TCEA3: variants seen among roughly 807,000 people sequenced by gnomAD.
TCEA3 encodes transcription elongation factor A protein 3.
In TCEA3, 36 loss-of-function variants were observed where a neutral mutation model predicts 44.0. That is an observed-to-expected ratio of 0.82 (90% confidence interval 0.63 to 1.08). The LOEUF is 1.08. Among genes scored for constraint, TCEA3 ranks in the 50% least tolerant of loss-of-function variants. The probability of loss-of-function intolerance (pLI) is 0.00; values close to 1 mark genes in which losing one functional copy is unlikely to be tolerated. For synonymous variants in TCEA3, 162 were observed against 159.7 expected (o/e 1.01, Z -0.11); for missense variants, 392 against 441.2 (o/e 0.89, Z 1.00).
chr1:23,381,425 CTCTT>C lies in TCEA3; in HGVS notation c.*37_*40del. ...TCCAGTTCAGATAATTCAGCGCTTCCTCTTTCTTCTTCCTCACCTTGTTCATGGC... is the reference window on the plus strand; with the variant it reads ...TCCAGTTCAGATAATTCAGCGCTTCCTCTTCTTCCTCACCTTGTTCATGGC... On this transcript the variant is annotated 3_prime_UTR_variant, in exon 11 of 11. Transcript: ENST00000450454. 1 of 779,792 alleles carries C rather than the reference CTCTT, an allele frequency of 1.3e-6. No homozygotes were observed. The highest frequency in any genetic ancestry group is 1.3e-5 in the South Asian group (1 of 74,306). The allele number at this position is 779,792 out of a possible 1,614,324, so 48.3% of individuals were successfully genotyped here. A position where few individuals can be genotyped will look rare whatever the true frequency, so the allele number is the denominator to read the frequency against.
At chr1:23,414,154 T>A (rs1024234056) in intron 4 of TCEA3, among the ~76,000 whole-genome samples, 7 of 152,134 alleles carry the variant, frequency 4.6e-5, no homozygotes, top group African/African-American at 1.4e-4. Flanking sequence ...TGGCACGCTC[T>A]CAGCTCACTG....
At chr1:23,398,187 A>G (rs1172799736) in intron 5 of TCEA3, among the ~76,000 whole-genome samples, 1 of 152,190 alleles carries the variant, frequency 6.6e-6, no homozygotes, top group Admixed American at 6.5e-5. Flanking sequence ...AGTGCATGGT[A>G]GAGAAAGATG....
intron 5 of TCEA3, 55 bp downstream of exon 5, chr1:23,408,609 A>T: frequency 6.4e-7 from 1 of 1,555,292 alleles, no homozygotes; most frequent in South Asian, 1.2e-5. Context: ...AAAACAGAGA[A>T]GGGGACACAG....
intron 5 of TCEA3, among the ~76,000 whole-genome samples, chr1:23,408,019 T>G (rs1399118732): frequency 1.3e-5 from 2 of 152,156 alleles, no homozygotes; most frequent in Admixed American, 6.5e-5. Context: ...TGGATTGCAG[T>G]GGCGCGATCT....
intron 9 of TCEA3, 22 bp downstream of exon 9, chr1:23,387,251 C>T (rs779870080): frequency 1.2e-6 from 2 of 1,611,600 alleles, no homozygotes; most frequent in East Asian, 2.2e-5. Flanking sequence ...GCACCTCCGG[C>T]CCGTCCCCTC....
intron 5 of TCEA3, among the ~76,000 whole-genome samples, chr1:23,398,721 T>G (rs1384883317): frequency 2.0e-5 from 3 of 152,190 alleles, no homozygotes; most frequent in African/African-American, 7.2e-5. Context: ...AGGATTTGAA[T>G]CCACATCTGT....
chr1:23,418,180 C>T (rs948726944), intron 2 of TCEA3, 171 bp from the exon 3 acceptor site: 6 of 633,308 alleles, frequency 9.5e-6, no homozygotes, highest in Non-Finnish European at 1.7e-5. Context: ...GTAACTAAGG[C>T]CCTGCTCTGC....
intron 5 of TCEA3, among the ~76,000 whole-genome samples, chr1:23,400,520 T>A (rs1384374935): frequency 6.6e-6 from 1 of 152,090 alleles, no homozygotes; most frequent in Admixed American, 6.5e-5. Flanking sequence ...GACTTTGTGA[T>A]AGTTGCACAA....
intron 5 of TCEA3, among the ~76,000 whole-genome samples, chr1:23,399,148 A>ATATATATG (rs1553167299): frequency 1.0e-5 from 1 of 99,268 alleles, no homozygotes; most frequent in East Asian, 4.6e-4. Context: ...ATATATGTAT[A>ATATATATG]TATATATATA....
At chr1:23,393,584 C>T (rs1639126478) in intron 8 of TCEA3, among the ~76,000 whole-genome samples, 1 of 152,230 alleles carries the variant, frequency 6.6e-6, no homozygotes, top group South Asian at 2.1e-4. Flanking sequence ...AATTCGTTTA[C>T]TCCTCTGAGC....
At chr1:23,423,925 TCCCCCGCCCCGCGGG>T (rs1640138650) in intron 1 of TCEA3, 5 of 449,704 alleles carry the variant, frequency 1.1e-5, no homozygotes, top group South Asian at 7.8e-5. Flanking sequence ...CCGGCCCCCT[TCCCCCGCCCCGCGGG>T]CCCCCGCACC....
chr1:23,386,697 A>G (rs1570223841), intron 9 of TCEA3, among the ~76,000 whole-genome samples: 1 of 148,526 alleles, frequency 6.7e-6, no homozygotes, highest in African/African-American at 2.5e-5. Flanking sequence ...AGCTGGGATT[A>G]CAGGCACGTG....
chr1:23,383,330 G>A (rs868057722), intron 10 of TCEA3: 8 of 777,118 alleles, frequency 1.0e-5, no homozygotes, highest in Admixed American at 6.3e-5. Context: ...TCGGAGCATC[G>A]GCTTTCAGTG....
chr1:23,384,484 T>C, intron 9 of TCEA3, 67 bp from the exon 10 acceptor site: 1 of 1,535,080 alleles, frequency 6.5e-7, no homozygotes, highest in Non-Finnish European at 8.9e-7. Context: ...GCTCCCACTG[T>C]CTTTAGGAGT....
chr1:23,406,763 C>T (rs931260278), intron 5 of TCEA3, among the ~76,000 whole-genome samples: 3 of 152,276 alleles, frequency 2.0e-5, no homozygotes, highest in African/African-American at 7.2e-5. Context: ...TCTTTTGCCT[C>T]AGCCTCCTGC....
chr1:23,400,098 G>A (rs1460489519), intron 5 of TCEA3, among the ~76,000 whole-genome samples: 1 of 152,244 alleles, frequency 6.6e-6, no homozygotes, highest in African/African-American at 2.4e-5. Flanking sequence ...AGGAGAGGGA[G>A]TTGGAGAGAA....
intron 10 of TCEA3, among the ~76,000 whole-genome samples, chr1:23,382,049 A>ATTTT (rs5773042): frequency 6.9e-6 from 1 of 144,144 alleles, no homozygotes. Context: ...ATCACTCCCA[A>ATTTT]TTTTTTTTTT....
chr1:23,398,179 T>C (rs771566032), intron 5 of TCEA3, among the ~76,000 whole-genome samples: 7 of 152,122 alleles, frequency 4.6e-5, no homozygotes, highest in Admixed American at 6.6e-5. Flanking sequence ...CATTTTAAAG[T>C]GCATGGTAGA....
chr1:23,408,845 C>T (rs1639630211), intron 4 of TCEA3, 119 bp from the exon 5 acceptor site: 11 of 878,330 alleles, frequency 1.3e-5, no homozygotes, highest in Middle Eastern at 3.3e-4. Flanking sequence ...GAAGCCCACC[C>T]GGGCCACAGC....
Sources: allele counts gnomAD v4.1 joint callset (sites outside exome capture counted in the v4.1 genomes callset), GRCh38; gene constraint gnomAD v4.1.1; transcripts MANE v1.5; gene names NCBI Gene and HGNC (gene_info 2026-07-23, HGNC 2026-07-21).